Variants in ROBO1 observed in about 807,000 individuals in gnomAD.
ROBO1 encodes the protein roundabout homolog 1.
In ROBO1, 149 loss-of-function variants were observed where a neutral mutation model predicts 195.9. The observed-to-expected ratio is 0.76, with a 90% CI of 0.67 to 0.87. The LOEUF is 0.87. ROBO1 is among the 40% of genes least tolerant of loss of function. ROBO1 has a pLI of 0.00. For missense variants in ROBO1, 1,933 were observed against 2,068.3 expected, an observed-to-expected ratio of 0.93 and a Z score of 1.27; for synonymous variants, 816 against 733.2, an observed-to-expected ratio of 1.11 and a Z score of -1.82.
intron 1 of ROBO1, among the ~76,000 whole-genome samples, chr3:79,749,109 A>G (rs895103531): frequency 6.6e-6 from 1 of 152,280 alleles, no homozygotes; most frequent in East Asian, 1.9e-4. Context: ...AGTGGTACAG[A>G]CAGTGAAATC....
chr3:79,236,155 AT>A (rs1225306837), intron 2 of ROBO1, among the ~76,000 whole-genome samples: 2 of 150,770 alleles, frequency 1.3e-5, no homozygotes, highest in Non-Finnish European at 2.9e-5. Context: ...CACGTATGAC[AT>A]TTTCATACTT....
rs191807215 is a variant in ROBO1, at chr3:79,532,506, C to T, written c.88+57318G>A. Among the ~76,000 whole-genome samples the T allele has an allele frequency of 4.3e-3, 659 of 152,122 alleles. 2 individuals carry two copies. The highest frequency in any genetic ancestry group is 7.0e-3 in the Non-Finnish European group (477 of 68,010). On this transcript the variant is annotated intron_variant, in intron 2 of 30. Coordinates refer to ENST00000464233, the MANE Select transcript of ROBO1 (RefSeq NM_002941.4). Reference sequence around the variant, plus strand: ...CAAAAATGTAGTTAAATAGGTCAGGCGTGGATGTGCTATTGAATATAAAAT... The same window carrying T: ...CAAAAATGTAGTTAAATAGGTCAGGTGTGGATGTGCTATTGAATATAAAAT...
At chr3:79,569,124 G>A (rs1348492088) in intron 2 of ROBO1, among the ~76,000 whole-genome samples, 2 of 144,212 alleles carry the variant, frequency 1.4e-5, no homozygotes, top group South Asian at 2.2e-4. Flanking sequence ...GCGTGCACAC[G>A]CGCACACACA....
chr3:79,646,048 A>G (rs527613246), intron 1 of ROBO1, among the ~76,000 whole-genome samples: 1 of 152,298 alleles, frequency 6.6e-6, no homozygotes, highest in African/African-American at 2.4e-5. Context: ...AGACCTCAAA[A>G]GCACAGGCAA....
intron 2 of ROBO1, among the ~76,000 whole-genome samples, chr3:79,533,312 AT>A (rs1395707991): frequency 6.6e-6 from 1 of 152,178 alleles, no homozygotes; most frequent in East Asian, 1.9e-4. Context: ...ATGTAAAATT[AT>A]TTTTAAACAT....
At chr3:79,524,444 C>T (rs1007248371) in intron 2 of ROBO1, among the ~76,000 whole-genome samples, 8 of 151,912 alleles carry the variant, frequency 5.3e-5, no homozygotes, top group African/African-American at 1.9e-4. Context: ...AGATAAAATA[C>T]TATCATAAAA....
chr3:78,878,943 C>G (rs1426102827), intron 4 of ROBO1, among the ~76,000 whole-genome samples: 1 of 152,102 alleles, frequency 6.6e-6, no homozygotes, highest in African/African-American at 2.4e-5. Context: ...TTTTAAAGTG[C>G]ATACTTGGAT....
chr3:79,686,163 T>G (rs1947103558), intron 1 of ROBO1, among the ~76,000 whole-genome samples: 2 of 152,142 alleles, frequency 1.3e-5, no homozygotes, highest in African/African-American at 4.8e-5. Flanking sequence ...TTTGACAAAA[T>G]TCAACAACCG....
At chr3:79,038,925 A>C (rs2078431015) in intron 3 of ROBO1, among the ~76,000 whole-genome samples, 1 of 152,128 alleles carries the variant, frequency 6.6e-6, no homozygotes, top group Admixed American at 6.5e-5. Context: ...GACCTGAATA[A>C]ACACACACAG....
intron 10 of ROBO1, among the ~76,000 whole-genome samples, chr3:78,675,376 C>T (rs1046942495): frequency 5.9e-5 from 9 of 152,224 alleles, no homozygotes; most frequent in South Asian, 2.1e-4. Context: ...TTGCCTCACT[C>T]GGGAAGCGCA....
chr3:79,034,152 C>T (rs2078342841), intron 3 of ROBO1, among the ~76,000 whole-genome samples: 1 of 152,184 alleles, frequency 6.6e-6, no homozygotes, highest in South Asian at 2.1e-4. Flanking sequence ...GAAAAAGTTT[C>T]ATCCTAGAAA....
chr3:79,630,927 G>A (rs1454550336), intron 1 of ROBO1, among the ~76,000 whole-genome samples: 1 of 151,618 alleles, frequency 6.6e-6, no homozygotes, highest in East Asian at 1.9e-4. Flanking sequence ...ACCCAGATGA[G>A]AGATCTCTGC....
intron 3 of ROBO1, among the ~76,000 whole-genome samples, chr3:78,966,186 A>G (rs1256907022): frequency 6.6e-6 from 1 of 152,152 alleles, no homozygotes; most frequent in Non-Finnish European, 1.5e-5. Context: ...GCTGCACTCC[A>G]AAACCATTCC....
intron 10 of ROBO1, among the ~76,000 whole-genome samples, chr3:78,680,102 A>G (rs2107786500): frequency 6.6e-6 from 1 of 152,274 alleles, no homozygotes; most frequent in South Asian, 2.1e-4. Flanking sequence ...TATTTAATAA[A>G]CGGTGCTGGG....
At chr3:79,655,952 C>T (rs1946145924) in intron 1 of ROBO1, among the ~76,000 whole-genome samples, 1 of 151,982 alleles carries the variant, frequency 6.6e-6, no homozygotes, top group African/African-American at 2.4e-5. Flanking sequence ...TCAACTGAAT[C>T]ACCAACTTGG....
intron 3 of ROBO1, among the ~76,000 whole-genome samples, chr3:79,066,539 T>C (rs1249073967): frequency 1.3e-5 from 2 of 151,902 alleles, no homozygotes; most frequent in Non-Finnish European, 2.9e-5. Context: ...TATTAAAAAA[T>C]ACAAATGTGA....
chr3:78,841,662 C>T (rs2033212474), intron 4 of ROBO1, among the ~76,000 whole-genome samples: 1 of 152,058 alleles, frequency 6.6e-6, no homozygotes, highest in Non-Finnish European at 1.5e-5. Context: ...ACTCAAACCC[C>T]AATTTTCTGT....
At chr3:79,726,932 C>T (rs1291266765) in intron 1 of ROBO1, among the ~76,000 whole-genome samples, 1 of 152,152 alleles carries the variant, frequency 6.6e-6, no homozygotes, top group Non-Finnish European at 1.5e-5. Flanking sequence ...ACAGTGTAAG[C>T]ACCATCTCAT....
At chr3:78,724,824 G>C (rs1253432808) in intron 5 of ROBO1, among the ~76,000 whole-genome samples, 1 of 152,122 alleles carries the variant, frequency 6.6e-6, no homozygotes, top group Non-Finnish European at 1.5e-5. Context: ...TGTCTACATA[G>C]GGAAGAAAAA....
Sources: allele counts gnomAD v4.1 joint callset (sites outside exome capture counted in the v4.1 genomes callset), GRCh38; gene constraint gnomAD v4.1.1; transcripts MANE v1.5; gene names NCBI Gene and HGNC (gene_info 2026-07-23, HGNC 2026-07-21).